RBMS3: variants seen among roughly 807,000 people sequenced by gnomAD.
The protein encoded by RBMS3 is RNA binding motif single stranded interacting protein 3.
In RBMS3, 27 loss-of-function variants were observed where a neutral mutation model predicts 66.8. The ratio of observed to expected loss-of-function variants is 0.40; its 90% CI spans 0.30 to 0.56. The LOEUF (loss-of-function observed/expected upper bound fraction) is 0.56. Among genes scored for constraint, RBMS3 ranks in the 20% least tolerant of loss-of-function variants. RBMS3 has a pLI of 0.40. For synonymous variants in RBMS3, 188 were observed against 183.0 expected (o/e 1.03, Z -0.22); for missense variants, 513 against 549.5 (o/e 0.93, Z 0.66).
intron 1 of RBMS3, among the ~76,000 whole-genome samples, chr3:29,401,646 G>A (rs527607517): frequency 1.3e-5 from 2 of 152,182 alleles, no homozygotes; most frequent in African/African-American, 4.8e-5. Context: ...AAAGGAGCAT[G>A]GGCATATAGA....
At chr3:29,598,935 G>T (rs1176003721) in intron 4 of RBMS3, among the ~76,000 whole-genome samples, 1 of 151,960 alleles carries the variant, frequency 6.6e-6, no homozygotes, top group Admixed American at 6.6e-5. Flanking sequence ...GGAGCAAAGA[G>T]AACTAAGTGA....
At chr3:29,521,279 A>C (rs1216129711) in intron 3 of RBMS3, among the ~76,000 whole-genome samples, 1 of 152,208 alleles carries the variant, frequency 6.6e-6, no homozygotes, top group African/African-American at 2.4e-5. Flanking sequence ...CAGTATTGTG[A>C]TCCTATGAGC....
intron 4 of RBMS3, among the ~76,000 whole-genome samples, chr3:29,622,383 A>G (rs2048897075): frequency 2.0e-5 from 3 of 152,230 alleles, no homozygotes; most frequent in African/African-American, 7.2e-5. Flanking sequence ...ATTGGAGGAC[A>G]AGCTCTGTTC....
chr3:29,340,995 T>A (rs932253541), intron 1 of RBMS3, among the ~76,000 whole-genome samples: 2 of 152,088 alleles, frequency 1.3e-5, no homozygotes, highest in Non-Finnish European at 2.9e-5. Context: ...GTTTTCAACA[T>A]GTGAAATATC....
intron 3 of RBMS3, among the ~76,000 whole-genome samples, chr3:29,541,334 C>T (rs774858714): frequency 1.5e-4 from 23 of 152,182 alleles, no homozygotes; most frequent in Middle Eastern, 3.4e-3. Flanking sequence ...CTTCCCAAAC[C>T]GGCTCTTCTT....
At chr3:29,779,770 A>G (rs1201182939) in intron 6 of RBMS3, among the ~76,000 whole-genome samples, 2 of 144,766 alleles carry the variant, frequency 1.4e-5, no homozygotes, top group Non-Finnish European at 3.1e-5. Flanking sequence ...ACAATAGGTT[A>G]CTGATCGAAG....
intron 4 of RBMS3, among the ~76,000 whole-genome samples, chr3:29,635,351 C>G (rs62234885): frequency 0.079 from 11,978 of 151,888 alleles, 834 homozygotes; most frequent in East Asian, 0.35. Context: ...CAGTTGATGG[C>G]AGTACCATCC....
At chr3:29,838,546 A>T (rs537998251) in intron 6 of RBMS3, among the ~76,000 whole-genome samples, 1 of 152,266 alleles carries the variant, frequency 6.6e-6, no homozygotes, top group African/African-American at 2.4e-5. Flanking sequence ...TAATAATAAG[A>T]AACATATTAC....
intron 3 of RBMS3, among the ~76,000 whole-genome samples, chr3:29,539,828 C>CT (rs1559451230): frequency 6.6e-6 from 1 of 152,212 alleles, no homozygotes; most frequent in Non-Finnish European, 1.5e-5. Context: ...GTTATATTCA[C>CT]TAATAATTAT....
At chr3:29,889,056 T>A (rs2059939260) in intron 8 of RBMS3, among the ~76,000 whole-genome samples, 1 of 151,724 alleles carries the variant, frequency 6.6e-6, no homozygotes, top group African/African-American at 2.4e-5. Context: ...ACGTGGCCTT[T>A]ACTAACTACA....
At chr3:29,773,471 T>G (rs2056298159) in intron 6 of RBMS3, among the ~76,000 whole-genome samples, 1 of 152,080 alleles carries the variant, frequency 6.6e-6, no homozygotes, top group African/African-American at 2.4e-5. Context: ...AACATAACCA[T>G]TTTCTATTGA....
chr3:29,531,765 A>G (rs1399070113), intron 3 of RBMS3, among the ~76,000 whole-genome samples: 3 of 152,196 alleles, frequency 2.0e-5, no homozygotes, highest in Non-Finnish European at 4.4e-5. Flanking sequence ...CTAAGCCTCT[A>G]TCCCTCTCAG....
chr3:29,361,209 T>C (rs1489676574), intron 1 of RBMS3, among the ~76,000 whole-genome samples: 1 of 152,106 alleles, frequency 6.6e-6, no homozygotes, highest in East Asian at 1.9e-4. Context: ...CCATGTTTAG[T>C]GCTTCCTTCA....
At chr3:29,298,642 A>G (rs2033457409) in intron 1 of RBMS3, among the ~76,000 whole-genome samples, 1 of 151,258 alleles carries the variant, frequency 6.6e-6, no homozygotes, top group Non-Finnish European at 1.5e-5. Context: ...GCTTACTCAC[A>G]TGTTTACTCT....
At chr3:29,669,929 G>C (rs1446971301) in intron 4 of RBMS3, among the ~76,000 whole-genome samples, 1 of 152,158 alleles carries the variant, frequency 6.6e-6, no homozygotes, top group Admixed American at 6.5e-5. Flanking sequence ...TTACACTGGT[G>C]TCCTTTGCCA....
Position 29,574,361 on chromosome 3 carries a change from T to C in RBMS3, c.308-12753T>C, listed in dbSNP as rs150910800. 1.7e-3 allele frequency among the ~76,000 whole-genome samples: 266 copies of C among 152,266 alleles called. 1 individual carries two copies. The highest frequency in any genetic ancestry group is 0.013 in the Admixed American group (194 of 15,300). ...TTTTTGTCTTGAAATCCATTTTTTC[T>C]TATATAAGTGTAGATACACCTGCTG... On this transcript the variant is annotated intron_variant, in intron 3 of 14. Transcript: ENST00000383767.
intron 1 of RBMS3, among the ~76,000 whole-genome samples, chr3:29,286,317 C>T (rs576600400): frequency 1.5e-4 from 23 of 151,944 alleles, no homozygotes; most frequent in East Asian, 1.2e-3. Context: ...CTTAACTCCC[C>T]CAAGCCTTCA....
chr3:29,359,078 A>G (rs149047631), intron 1 of RBMS3, among the ~76,000 whole-genome samples: 3,334 of 152,244 alleles, frequency 0.022, 124 homozygotes, highest in African/African-American at 0.076. Context: ...AACTTCCAAC[A>G]CTATGTTGAA....
intron 6 of RBMS3, among the ~76,000 whole-genome samples, chr3:29,798,269 G>A (rs1559682297): frequency 8.4e-6 from 1 of 119,544 alleles, no homozygotes; most frequent in African/African-American, 3.3e-5. Flanking sequence ...GGGAAGGGAA[G>A]GGAAGGGAAG....
Sources: allele counts gnomAD v4.1 joint callset (sites outside exome capture counted in the v4.1 genomes callset), GRCh38; gene constraint gnomAD v4.1.1; transcripts MANE v1.5; gene names NCBI Gene and HGNC (gene_info 2026-07-23, HGNC 2026-07-21).